The following BRDT variants were observed in gnomAD, a reference collection of about 807,000 sequenced individuals.
BRDT encodes bromodomain testis associated, also known as bromodomain testis-specific protein.
BRDT carries 77 observed loss-of-function variants against 113.9 expected under a neutral mutation model. The observed-to-expected ratio is 0.68, with a 90% CI of 0.56 to 0.82. The LOEUF is 0.82. BRDT is among the 40% of genes least tolerant of loss of function. The probability of loss-of-function intolerance (pLI) is 0.00; values close to 1 mark genes in which losing one functional copy is unlikely to be tolerated. For missense variants in BRDT, 1,027 were observed against 1,105.4 expected (o/e 0.93, Z 1.01); for synonymous variants, 358 against 366.5 (o/e 0.98, Z 0.26).
At chr1:92,003,279 T>C (rs1472535141) in intron 16 of BRDT, among the ~76,000 whole-genome samples, 1 of 152,206 alleles carries the variant, frequency 6.6e-6, no homozygotes, top group Non-Finnish European at 1.5e-5. Flanking sequence ...TTTTGCCTTA[T>C]ATGGGGCCCT....
At chr1:91,989,023 C>G (rs1251609931) in intron 12 of BRDT, among the ~76,000 whole-genome samples, 3 of 152,098 alleles carry the variant, frequency 2.0e-5, no homozygotes, top group South Asian at 2.1e-4. Flanking sequence ...ACTTCAAACT[C>G]CTGACCTCAA....
intron 6 of BRDT, among the ~76,000 whole-genome samples, chr1:91,977,819 G>A (rs527993392): frequency 1.4e-4 from 21 of 152,050 alleles, no homozygotes; most frequent in African/African-American, 4.8e-4. Context: ...TGCAGTGAGC[G>A]GAGATCATCC....
intron 4 of BRDT, 129 bp from the exon 5 acceptor site, chr1:91,976,137 C>CGGTGGTCGCCGTATCATT: frequency 1.1e-6 from 1 of 931,946 alleles, no homozygotes; most frequent in Non-Finnish European, 1.5e-6. Context: ...GTGTAGATTT[C>CGGTGGTCGCCGTATCATT]AAAATGAAAT....
At chr1:92,010,759 T>C (rs942580241) in intron 18 of BRDT, among the ~76,000 whole-genome samples, 1 of 152,192 alleles carries the variant, frequency 6.6e-6, no homozygotes, top group African/African-American at 2.4e-5. Flanking sequence ...TGGTTTTTTT[T>C]ATCTCTATTA....
chr1:91,953,711 T>C (rs1009765730), intron 1 of BRDT, among the ~76,000 whole-genome samples: 24 of 152,216 alleles, frequency 1.6e-4, no homozygotes, highest in South Asian at 6.2e-4. Context: ...TTGAGAGTTA[T>C]TGAGTGGGCA....
In BRDT at chr1:91,984,755, C is replaced by A. The variant is rs529162443; in HGVS notation, c.2002+3000C>A. 3.5e-4 allele frequency among the ~76,000 whole-genome samples: 53 copies of A among 152,240 alleles called. 1 individual carries two copies. In the East Asian group the frequency reaches 0.01, roughly 29 times the overall value. On this transcript the variant is annotated intron_variant, in intron 12 of 18. Transcript: ENST00000399546. ...CAAGCCATCCTCCTGCCTCAGCCTG[C>A]CAAGTAGCTGGGCCTACAGGTGTGT... is the stretch of plus-strand genomic sequence containing the variant.
chr1:91,973,906 CA>C (rs762058952), intron 4 of BRDT, among the ~76,000 whole-genome samples: 6 of 152,054 alleles, frequency 3.9e-5, no homozygotes, highest in Non-Finnish European at 7.4e-5. Flanking sequence ...CTGCAGTAAC[CA>C]AAACAGCATG....
intron 12 of BRDT, among the ~76,000 whole-genome samples, chr1:91,990,695 T>TATC (rs1282749569): frequency 1.3e-5 from 2 of 152,232 alleles, no homozygotes; most frequent in Non-Finnish European, 2.9e-5. Context: ...TGAAAGCAGG[T>TATC]ATCCCTTTAG....
chr1:91,994,270 G>A lies in BRDT; in HGVS notation c.2287+16G>A. On this transcript the variant is annotated intron_variant, in intron 15 of 18. Coordinates refer to ENST00000399546, the MANE Select transcript of BRDT (RefSeq NM_207189.4). ...CCTCCCTCAGGTAAGAAATTAACAA[G>A]TAAACAACTGTTATTGAGAAATTGA... 6.4e-7 allele frequency: 1 copy of A among 1,567,974 alleles called. No individual in the cohort carries two copies. Among genetic ancestry groups the A allele is most frequent in the Non-Finnish European group, 8.7e-7 (1 of 1,150,502 alleles).
chr1:91,966,547 A>T (rs868540409), intron 3 of BRDT, among the ~76,000 whole-genome samples: 14 of 152,300 alleles, frequency 9.2e-5, no homozygotes, highest in South Asian at 2.1e-4. Flanking sequence ...GTGAATTTTT[A>T]AAAAATCAGT....
chr1:91,962,721 ATGTACT>A lies in BRDT; in HGVS notation c.-29_-24del, dbSNP rs745497883. On this transcript the variant is annotated 5_prime_UTR_variant, in exon 2 of 19. The change creates a premature stop within an existing upstream ORF in the 5' untranslated region. Coordinates refer to ENST00000399546, the MANE Select transcript of BRDT (RefSeq NM_207189.4). The stretch of plus-strand genomic sequence containing the variant: ...GTACTCAGTTTTTGTTTTTCAGGAC[ATGTACT>A]TGTAGACAGGATTCAAAGCAGTTAA... 15 of 1,510,374 alleles carry A rather than the reference ATGTACT, an allele frequency of 9.9e-6. No individual in the cohort carries two copies. Among genetic ancestry groups the A allele is most frequent in the South Asian group, 9.6e-5 (7 of 72,586 alleles). 93.6% of individuals were successfully genotyped at this position (1,510,374 alleles called of 1,614,324 possible).
chr1:91,999,469 T>C (rs1191543751), intron 15 of BRDT, among the ~76,000 whole-genome samples: 2 of 152,162 alleles, frequency 1.3e-5, no homozygotes, highest in Admixed American at 6.5e-5. Context: ...CTTACAGATA[T>C]CTCTTTATTT....
At chr1:92,003,406 C>T (rs764994106) in intron 16 of BRDT, among the ~76,000 whole-genome samples, 1 of 151,976 alleles carries the variant, frequency 6.6e-6, no homozygotes, top group Admixed American at 6.6e-5. Context: ...ATTGCACAGC[C>T]CTCTTTCCGT....
intron 14 of BRDT, among the ~76,000 whole-genome samples, chr1:91,992,917 A>G (rs1452651366): frequency 1.3e-5 from 2 of 152,154 alleles, no homozygotes; most frequent in Admixed American, 6.6e-5. Context: ...AATTATGTCA[A>G]GTTATGAAGG....
chr1:91,967,468 AGCTCACCTCAACCTCT>A lies in BRDT; in HGVS notation c.331-675_331-660del, dbSNP rs1683183541. 2.0e-5 allele frequency among the ~76,000 whole-genome samples: 3 copies of A among 150,170 alleles called. No homozygotes were observed. The South Asian group carries it at 6.3e-4, about 32-fold the overall frequency. ...GGCTGGAGTGCGATGGCACTATCTC[AGCTCACCTCAACCTCT>A]GCCTCCCGGGTTCAAGCAATTCTCC... On this transcript the variant is annotated intron_variant, in intron 3 of 18. Transcript: ENST00000399546.
At chr1:91,964,377 A>G (rs182992187) in intron 2 of BRDT, among the ~76,000 whole-genome samples, 1 of 152,158 alleles carries the variant, frequency 6.6e-6, no homozygotes, top group Non-Finnish European at 1.5e-5. Context: ...CTGTATTTTT[A>G]TTAGAGATGG....
chr1:91,969,807 T>G lies in BRDT; in HGVS notation c.445+1547T>G, dbSNP rs1002139679. The stretch of plus-strand genomic sequence containing the variant: ...CTTTCAAGTGTTTAAGTTTTTTTGT[T>G]TTTGTGTGTGTGTGTGTTTTTTTTT... On this transcript the variant is annotated intron_variant, in intron 4 of 18. Transcript: ENST00000399546. Among the ~76,000 whole-genome samples the G allele has an allele frequency of 2.0e-5, 3 of 147,968 alleles. No homozygotes were observed. The South Asian group carries it at 6.4e-4, about 31-fold the overall frequency.
intron 15 of BRDT, among the ~76,000 whole-genome samples, chr1:91,996,499 G>T (rs985933684): frequency 6.6e-6 from 1 of 152,106 alleles, no homozygotes; most frequent in African/African-American, 2.4e-5. Flanking sequence ...CACCCACCTT[G>T]GCCTCCCAAA....
chr1:91,950,434 A>G, intron 1 of BRDT: 1 of 153,074 alleles, frequency 6.5e-6, no homozygotes, highest in Non-Finnish European at 1.5e-5. Flanking sequence ...TGGGCGACAG[A>G]GTGAGACTCC....
Sources: gnomAD v4.1 joint callset for allele counts (sites outside exome capture counted in the v4.1 genomes callset) on GRCh38, gnomAD v4.1.1 for gene constraint, MANE v1.5 for transcripts, NCBI Gene and HGNC (gene_info 2026-07-23, HGNC 2026-07-21) for gene names.